Variants in TUBB8B observed in about 807,000 individuals in gnomAD.
The protein encoded by TUBB8B is HSA18p11 beta-tubulin 4Q pseudogene.
TUBB8B carries 26 observed loss-of-function variants against 31.9 expected under a neutral mutation model. That is an observed-to-expected ratio of 0.81 (90% CI 0.60 to 1.13). The LOEUF (loss-of-function observed/expected upper bound fraction) is 1.13, where lower values mean the gene tolerates loss of function less well. TUBB8B is among the 50% of genes most tolerant of loss of function. The pLI, the probability that TUBB8B is intolerant of heterozygous loss-of-function variation, is 0.00. For missense variants in TUBB8B, 467 were observed against 586.7 expected, an observed-to-expected ratio of 0.80 and a Z score of 2.11; for synonymous variants, 173 against 231.0, an observed-to-expected ratio of 0.75 and a Z score of 2.28.
chr18:72,153 G>A, the TUBB8B span, among the ~76,000 whole-genome samples: 2 of 108,766 alleles, frequency 1.8e-5, no homozygotes, highest in Admixed American at 1.1e-4. Flanking sequence ...ACTCCAGCCT[G>A]GGAGACAGAG....
chr18:50,811 G>A (rs555154940), upstream of TUBB8B, among the ~76,000 whole-genome samples: 138 of 146,260 alleles, frequency 9.4e-4, no homozygotes, highest in African/African-American at 3.0e-3. Context: ...CCTTGGCTGT[G>A]GCATCTACAA....
At chr18:54,446 C>T (rs1165130782), upstream of TUBB8B, among the ~76,000 whole-genome samples, 2 of 151,636 alleles carry the variant, frequency 1.3e-5, no homozygotes, top group African/African-American at 4.8e-5. Flanking sequence ...TTACCATAAT[C>T]ACCCTGTTGT....
Position 47,464 on chromosome 18 carries a change from C to CAG in TUBB8B, c.1259_1260dup (p.Glu421LeufsTer31). 1 of 1,475,828 alleles carries CAG rather than the reference C, an allele frequency of 6.8e-7. No homozygotes were observed. 91.4% of individuals were successfully genotyped at this position (1,475,828 alleles called of 1,614,324 possible). ...GTGGCATCCTGATATTGCTGATATT[C>CAG]AGACACCAGGTCGTTCATGTTGCTC... is the stretch of plus-strand genomic sequence containing the variant. On this transcript the variant is annotated frameshift_variant, in exon 4 of 4. Transcript: ENST00000308911. LOFTEE classifies it high-confidence loss of function.
chr18:47,558 G>T lies in TUBB8B; in HGVS notation c.1167C>A (p.Phe389Leu). 1 of 1,611,216 alleles carries T rather than the reference G, an allele frequency of 6.2e-7. No individual in the cohort carries two copies. The highest frequency in any genetic ancestry group is 1.3e-5 in the African/African-American group (1 of 74,880). Residue 389 changes from phenylalanine to leucine, a missense_variant, in exon 4 of 4, where the codon TTC becomes TTA. Transcript: ENST00000308911. ...TCVSEQFTAMFRRKAFLHWYT... is the reference protein window; with the variant it reads ...TCVSEQFTAMLRRKAFLHWYT... ...ACCAGTGGAGGAAGGCCTTGCGCCTGAACATTGCTGTAAACTGCTCTGAGA... is the reference window on the plus strand; with the variant it reads ...ACCAGTGGAGGAAGGCCTTGCGCCTTAACATTGCTGTAAACTGCTCTGAGA...
chr18:54,365 T>C (rs890183327), upstream of TUBB8B, among the ~76,000 whole-genome samples: 6 of 151,886 alleles, frequency 4.0e-5, no homozygotes, highest in African/African-American at 1.4e-4. Flanking sequence ...CCCTCAAGCA[T>C]TTATAGCTTG....
Position 48,393 on chromosome 18 carries a change from T to A in TUBB8B, c.332A>T (p.Glu111Val). The A allele has an allele frequency of 6.2e-7, 1 of 1,612,876 alleles. No homozygotes were observed. Among genetic ancestry groups the A allele is most frequent in the South Asian group, 1.1e-5 (1 of 91,050 alleles). Reference protein sequence around the residue: ...WAKGRYTEGAELTESVMDVVR... With the variant: ...WAKGRYTEGAVLTESVMDVVR... ...AACGTCCATCACTGACTCCGTCAGC[T>A]CCGCGCCTTCTGTGTAGCGTCCCTT... The change falls in exon 4 of 4, where the codon GAG (glutamate) becomes GTG (valine). Residue 111 changes from glutamate (E) to valine (V), a missense_variant. By Grantham distance (121) the Glu-to-Val change is moderately radical. Coordinates refer to ENST00000308911, the MANE Select transcript of TUBB8B (RefSeq NM_001358689.2).
chr18:72,177 C>CAAAAAAAAAAAAAAAAAAAAAAAAA, the TUBB8B span, among the ~76,000 whole-genome samples: 9 of 78,764 alleles, frequency 1.1e-4, no homozygotes, highest in East Asian at 3.9e-3. Flanking sequence ...GACTCCATCT[C>CAAAAAAAAAAAAAAAAAAAAAAAAA]AAAAAAAAAA....
chr18:68,614 A>C, the TUBB8B span, among the ~76,000 whole-genome samples: 1 of 152,198 alleles, frequency 6.6e-6, no homozygotes, highest in South Asian at 2.1e-4. Flanking sequence ...ACCCACCAGA[A>C]AGCACAATCC....
the TUBB8B span, among the ~76,000 whole-genome samples, chr18:68,060 G>A: frequency 6.6e-6 from 1 of 152,122 alleles, no homozygotes; most frequent in East Asian, 1.9e-4. Context: ...CTCTTACCGG[G>A]GTGCTTGGTA....
the TUBB8B span, among the ~76,000 whole-genome samples, chr18:66,476 C>T: frequency 6.2e-5 from 9 of 145,416 alleles, no homozygotes; most frequent in Non-Finnish European, 1.2e-4. Context: ...ACTTGAGCCC[C>T]GGAGATAGAG....
At chr18:66,858 T>G in the TUBB8B span, among the ~76,000 whole-genome samples, 1 of 152,196 alleles carries the variant, frequency 6.6e-6, no homozygotes, top group African/African-American at 2.4e-5. Flanking sequence ...TGGCTTTGTG[T>G]AGTACTGCCA....
chr18:51,837 G>A (rs1413608137), upstream of TUBB8B, among the ~76,000 whole-genome samples: 2 of 151,912 alleles, frequency 1.3e-5, 1 homozygote, highest in Non-Finnish European at 2.9e-5. Context: ...CCGACCATGT[G>A]CAACTGTGAG....
the TUBB8B span, among the ~76,000 whole-genome samples, chr18:60,065 A>T: frequency 6.6e-6 from 1 of 151,852 alleles, no homozygotes; most frequent in East Asian, 1.9e-4. Flanking sequence ...TATCAGTGTA[A>T]TACTAGCCTC....
At chr18:64,326 A>T in the TUBB8B span, among the ~76,000 whole-genome samples, 1 of 152,170 alleles carries the variant, frequency 6.6e-6, no homozygotes, top group African/African-American at 2.4e-5. Context: ...ATGTCATCTG[A>T]TTTGTGACCC....
chr18:47,513 A>G lies in TUBB8B; in HGVS notation c.1212T>C (p.Asp404=), dbSNP rs778759048. ...TCTCGGCCTCGGTGAATTCCATCTC[A>G]TCCATGCCCTCGCCCGTGTACCAGT... ...FLHWYTGEGM[D]EMEFTEAESN... The change falls in exon 4 of 4, where the codon GAT becomes GAC. Residue 404 remains aspartate (D), a synonymous_variant. Coordinates refer to ENST00000308911, the MANE Select transcript of TUBB8B (RefSeq NM_001358689.2). 1.8e-5 allele frequency: 29 copies of G among 1,594,164 alleles called. 1 individual carries two copies. The Middle Eastern group carries it at 6.3e-4, about 35-fold the overall frequency.
In TUBB8B at chr18:47,362, TC is replaced by T. The variant is rs753126950; in HGVS notation, c.*27del. The T allele has an allele frequency of 2.8e-6, 2 of 706,210 alleles. No individual in the cohort carries two copies. Among genetic ancestry groups the T allele is most frequent in the East Asian group, 2.6e-5 (1 of 38,038 alleles). 43.7% of individuals were successfully genotyped at this position (706,210 alleles called of 1,614,324 possible). A position where few individuals can be genotyped will look rare whatever the true frequency, so the allele number is the denominator to read the frequency against. Reference sequence around the variant, plus strand: ...AACACAGTAAAGAATCCACACTGCTTCCCCCCTTTACCTAGAAAAGGAGAGT... The same window carrying T: ...AACACAGTAAAGAATCCACACTGCTTCCCCCTTTACCTAGAAAAGGAGAGT... On this transcript the variant is annotated 3_prime_UTR_variant, in exon 4 of 4. Coordinates refer to ENST00000308911, the MANE Select transcript of TUBB8B (RefSeq NM_001358689.2).
At chr18:52,266 G>C (rs1468181066), upstream of TUBB8B, among the ~76,000 whole-genome samples, 1 of 151,828 alleles carries the variant, frequency 6.6e-6, no homozygotes, top group Admixed American at 6.6e-5. Flanking sequence ...TCTTTCCTGG[G>C]GCAGCCTCCA....
Position 48,409 on chromosome 18 carries a change from A to T in TUBB8B, c.316T>A (p.Tyr106Asn). The T allele has an allele frequency of 6.2e-7, 1 of 1,612,710 alleles. No individual in the cohort carries two copies. Among genetic ancestry groups the T allele is most frequent in the Non-Finnish European group, 8.5e-7 (1 of 1,178,852 alleles). Residue 106 changes from tyrosine to asparagine, a missense_variant, in exon 4 of 4, where the codon TAC becomes AAC. Physicochemically the swap from Tyr to Asn is moderately radical, Grantham distance 143. Around this residue, in one of 2 missense-constraint regions of TUBB8B, gnomAD observed 259 missense variants for 380.1 expected, o/e 0.68. Coordinates refer to ENST00000308911, the MANE Select transcript of TUBB8B (RefSeq NM_001358689.2). ...GAGNNWAKGR[Y>N]TEGAELTESV... ...TCCGTCAGCTCCGCGCCTTCTGTGTAGCGTCCCTTGGCCCAGTTGTTTCCG... is the reference window on the plus strand; with the variant it reads ...TCCGTCAGCTCCGCGCCTTCTGTGTTGCGTCCCTTGGCCCAGTTGTTTCCG...
chr18:48,685 C>T (rs1905867510), intron 3 of TUBB8B: 3 of 662,668 alleles, frequency 4.5e-6, no homozygotes, highest in Admixed American at 2.2e-5. Context: ...GGCTCCTGCC[C>T]ATTCTCAGGA....
Sources: gnomAD v4.1 joint callset for allele counts (sites outside exome capture counted in the v4.1 genomes callset) on GRCh38, gnomAD v4.1.1 for gene constraint, gnomAD v4.1.1 regional missense constraint, MANE v1.5 for transcripts, NCBI Gene and HGNC (gene_info 2026-07-23, HGNC 2026-07-21) for gene names.